Variants in ADAMTS10 observed in about 807,000 individuals in gnomAD.
The protein encoded by ADAMTS10 is A disintegrin and metalloproteinase with thrombospondin motifs 10.
ADAMTS10 carries 48 observed loss-of-function variants against 135.9 expected under a neutral mutation model. The observed-to-expected ratio is 0.35, with a 90% CI of 0.28 to 0.45. The LOEUF is 0.45. Among genes scored for constraint, ADAMTS10 ranks in the 20% least tolerant of loss-of-function variants. The pLI is 1.00. For synonymous variants in ADAMTS10, 621 were observed against 647.5 expected (o/e 0.96, Z 0.62); for missense variants, 1,131 against 1,565.2 (o/e 0.72, Z 4.68).
At position 8,592,866 on chromosome 19, in the gene ADAMTS10, A is replaced by C; in HGVS notation, c.1484T>G (p.Val495Gly). Residue 495 changes from valine (V) to glycine (G), a missense_variant, in exon 13 of 26, where the codon GTC (valine) becomes GGC (glycine). Val to Gly is a moderately radical substitution (Grantham distance 109, BLOSUM62 -3). Around this residue, in one of 3 missense-constraint regions of ADAMTS10, gnomAD observed 745 missense variants for 1,056.3 expected, o/e 0.71. Transcript: ENST00000597188. Reference sequence around the variant, plus strand: ...GCTCAGACACCACAGCTCGCTGCAGACCTCCTGCGGGCCGAGGTGCCCGCT... The same window carrying C: ...GCTCAGACACCACAGCTCGCTGCAGCCCTCCTGCGGGCCGAGGTGCCCGCT... ...VKSRQCKYGE[V>G]CSELWCLSKS... is the part of the protein sequence containing the mutation. 1.2e-6 allele frequency: 2 copies of C among 1,610,908 alleles called. No homozygotes were observed. Among genetic ancestry groups the C allele is most frequent in the African/African-American group, 1.3e-5 (1 of 74,988 alleles).
Position 8,597,223 on chromosome 19 carries a change from G to A in ADAMTS10, c.894+11C>T, listed in dbSNP as rs1555740480. On this transcript the variant is annotated intron_variant, in intron 7 of 25. Coordinates refer to ENST00000597188, the MANE Select transcript of ADAMTS10 (RefSeq NM_030957.4). ...TGAAGGGGAAGGGGAAGGGGAGGAA[G>A]TCCCCCGCACCTGGTCCTCCGTGAG... is the stretch of plus-strand genomic sequence containing the variant. 1.2e-6 allele frequency: 2 copies of A among 1,614,110 alleles called. No homozygotes were observed. Among genetic ancestry groups the A allele is most frequent in the Non-Finnish European group, 1.7e-6 (2 of 1,179,994 alleles).
intron 1 of ADAMTS10, among the ~76,000 whole-genome samples, chr19:8,609,541 C>A (rs1191044419): frequency 6.6e-6 from 1 of 152,104 alleles, no homozygotes; most frequent in Non-Finnish European, 1.5e-5. Context: ...AGCCTGCCGG[C>A]CTCCTCCCGG....
chr19:8,585,733 G>T, intron 22 of ADAMTS10, 73 bp from the exon 23 acceptor site: 1 of 1,438,010 alleles, frequency 7.0e-7, no homozygotes, highest in Non-Finnish European at 9.6e-7. Flanking sequence ...GGGCACTATA[G>T]CCTACCCCCA....
At chr19:8,585,768 T>C (rs2042419860) in intron 22 of ADAMTS10, 108 bp from the exon 23 acceptor site, 20 of 1,178,812 alleles carry the variant, frequency 1.7e-5, no homozygotes, top group Non-Finnish European at 2.4e-5. Flanking sequence ...CAGCCTCATA[T>C]GGAAACTGGC....
chr19:8,585,387 G>C, intron 23 of ADAMTS10, 69 bp downstream of exon 23: 1 of 1,535,150 alleles, frequency 6.5e-7, no homozygotes, highest in Non-Finnish European at 8.7e-7. Context: ...CCTGGAGACC[G>C]CGCAGAGGCG....
chr19:8,586,505 G>T (rs782015506), intron 20 of ADAMTS10, 35 bp from the exon 21 acceptor site: 10 of 1,613,074 alleles, frequency 6.2e-6, no homozygotes, highest in Non-Finnish European at 8.5e-6. Flanking sequence ...TGGAAGGATC[G>T]CATGGAGTCT....
chr19:8,592,112 G>A lies in ADAMTS10; in HGVS notation c.1588-9C>T. 1 of 1,613,634 alleles carries A rather than the reference G, an allele frequency of 6.2e-7. No individual in the cohort carries two copies. The highest frequency in any genetic ancestry group is 1.1e-5 in the South Asian group (1 of 91,074). On this transcript the variant is annotated splice_polypyrimidine_tract_variant and intron_variant, in intron 13 of 25. Transcript: ENST00000597188. ...ACCCGTTTGTAGCACCACTGGGTGG[G>A]GGGAGACAGGAAGGAGTGAGTCCAG...
chr19:8,596,279 C>A lies in ADAMTS10; in HGVS notation c.1190+28G>T. 1 of 1,612,922 alleles carries A rather than the reference C, an allele frequency of 6.2e-7. No individual in the cohort carries two copies. The highest frequency in any genetic ancestry group is 8.5e-7 in the Non-Finnish European group (1 of 1,180,008). ...AGGGACCCGCCCAGCTCCTCCCCTC[C>A]TCCCCCTCTTGTGTGCCCTGGCCTC... On this transcript the variant is annotated intron_variant, in intron 10 of 25. Transcript: ENST00000597188. The surrounding 1 kb of genome is among the most constrained non-coding windows in gnomAD (Gnocchi z 7.2).
intron 6 of ADAMTS10, among the ~76,000 whole-genome samples, chr19:8,600,616 G>A (rs550766813): frequency 2.1e-4 from 32 of 150,148 alleles, no homozygotes; most frequent in East Asian, 3.9e-4. Flanking sequence ...CTCCTGCCTC[G>A]GCCTCCCGAG....
rs369050914 is a variant in ADAMTS10 at position 8,581,130 on chromosome 19, C to CTTTTTT, written c.3203-134_3203-129dup. ...CTTGGTTTCTTTCTTTTTAAATTTA[C>CTTTTTT]TTTTTTTTTTTTTTTTTTTTTTTTT... On this transcript the variant is annotated intron_variant, in intron 25 of 25. Coordinates refer to ENST00000597188, the MANE Select transcript of ADAMTS10 (RefSeq NM_030957.4). The CTTTTTT allele has an allele frequency of 9.6e-4, 141 of 147,290 alleles. 5 individuals are homozygous for CTTTTTT. Among genetic ancestry groups the CTTTTTT allele is most frequent in the African/African-American group, 4.7e-3 (87 of 18,376 alleles). The allele number at this position is 147,290 out of a possible 1,614,324, so 9.1% of individuals were successfully genotyped here.
rs1405857894 is a variant in ADAMTS10 at position 8,580,259 on chromosome 19, G to A, written c.*634C>T. On this transcript the variant is annotated 3_prime_UTR_variant, in exon 26 of 26. Coordinates refer to ENST00000597188, the MANE Select transcript of ADAMTS10 (RefSeq NM_030957.4). ...CCGCAATTCGTAGAAATCTACACAA[G>A]ACAGAACTTTATTGATGTAGGGCTT... 7 of 154,406 alleles carry A rather than the reference G, an allele frequency of 4.5e-5. No homozygotes were observed. Among genetic ancestry groups the A allele is most frequent in the African/African-American group, 1.7e-4 (7 of 41,458 alleles). 9.6% of individuals were successfully genotyped at this position (154,406 alleles called of 1,614,324 possible).
intron 21 of ADAMTS10, 44 bp downstream of exon 21, chr19:8,586,300 C>G: frequency 3.1e-6 from 5 of 1,613,416 alleles, no homozygotes; most frequent in Non-Finnish European, 3.4e-6. Flanking sequence ...GCCCAGAGAA[C>G]CTCAGCCCAG....
Position 8,591,975 on chromosome 19 carries a change from A to G in ADAMTS10, c.1716T>C (p.Arg572=). The G allele has an allele frequency of 1.2e-6, 2 of 1,613,432 alleles. No homozygotes were observed. The highest frequency in any genetic ancestry group is 1.7e-6 in the Non-Finnish European group (2 of 1,179,756). The change falls in exon 14 of 26, where the codon CGT becomes CGC. Residue 572 remains arginine, a synonymous_variant. Transcript: ENST00000597188. ...TCGGGVSSSS[R]HCDSPRPTIG... is the part of the protein sequence containing the mutation. ...GGGCTGACCTGGGGCTGTCGCAGTGACGGCTAGAAGAGGACACGCCGCCGC... is the reference window on the plus strand; with the variant it reads ...GGGCTGACCTGGGGCTGTCGCAGTGGCGGCTAGAAGAGGACACGCCGCCGC...
At chr19:8,608,702 T>C (rs1555742983) in intron 1 of ADAMTS10, among the ~76,000 whole-genome samples, 1 of 151,928 alleles carries the variant, frequency 6.6e-6, no homozygotes, top group African/African-American at 2.4e-5. Flanking sequence ...TAGAGTGTCT[T>C]TGGGTCTGTC....
Position 8,605,130 on chromosome 19 carries a change from T to C in ADAMTS10, c.317A>G (p.Tyr106Cys). 1 of 1,613,680 alleles carries C rather than the reference T, an allele frequency of 6.2e-7. No homozygotes were observed. The highest frequency in any genetic ancestry group is 8.5e-7 in the Non-Finnish European group (1 of 1,179,876). Reference sequence around the variant, plus strand: ...CCAGGCCAGGCCCTCCCGTGTCCAGTACTCCACGGAGACGTGCCCTGCCAG... The same window carrying C: ...CCAGGCCAGGCCCTCCCGTGTCCAGCACTCCACGGAGACGTGCCCTGCCAG... ...RLLAGHVSVE[Y>C]WTREGLAWQR... Residue 106 changes from tyrosine (Y) to cysteine (C), a missense_variant, in exon 4 of 26, where the codon TAC becomes TGC. By Grantham distance (194) the Tyr-to-Cys change is radical. Coordinates refer to ENST00000597188, the MANE Select transcript of ADAMTS10 (RefSeq NM_030957.4). This position sits in a 1 kb window ranked among gnomAD's most constrained non-coding sequence, Gnocchi z 7.7.
chr19:8,581,093 G>T, intron 25 of ADAMTS10, 91 bp from the exon 26 acceptor site: 2 of 557,002 alleles, frequency 3.6e-6, no homozygotes, highest in South Asian at 2.3e-5. Context: ...CCTGGCCAGT[G>T]ACTTTCTGTG....
Position 8,597,227 on chromosome 19 carries a change from C to G in ADAMTS10, c.894+7G>C. On this transcript the variant is annotated splice_region_variant and intron_variant, in intron 7 of 25. Transcript: ENST00000597188. ...GGGGAAGGGGAAGGGGAGGAAGTCC[C>G]CCGCACCTGGTCCTCCGTGAGCAGG... 6.2e-7 allele frequency: 1 copy of G among 1,614,086 alleles called. No individual in the cohort carries two copies. Among genetic ancestry groups the G allele is most frequent in the Non-Finnish European group, 8.5e-7 (1 of 1,180,026 alleles).
chr19:8,596,422 C>G lies in ADAMTS10; in HGVS notation c.1085-10G>C. On this transcript the variant is annotated splice_polypyrimidine_tract_variant and intron_variant, in intron 9 of 25. Coordinates refer to ENST00000597188, the MANE Select transcript of ADAMTS10 (RefSeq NM_030957.4). The surrounding 1 kb of genome is among the most constrained non-coding windows in gnomAD (Gnocchi z 7.2). ...CCCACCGGGGCCAGGCCTGGGAAGA[C>G]GGACATGTGGGGATGGGGCTGGGAG... The G allele has an allele frequency of 1.2e-6, 2 of 1,613,694 alleles. No homozygotes were observed. The highest frequency in any genetic ancestry group is 1.7e-6 in the Non-Finnish European group (2 of 1,179,856).
At chr19:8,600,668 T>G (rs1388898965) in intron 6 of ADAMTS10, among the ~76,000 whole-genome samples, 1 of 151,878 alleles carries the variant, frequency 6.6e-6, no homozygotes, top group Non-Finnish European at 1.5e-5. Context: ...TCGGCTAATT[T>G]TTTGTATTTT....
Sources: allele counts gnomAD v4.1 joint callset (sites outside exome capture counted in the v4.1 genomes callset), GRCh38; gene constraint gnomAD v4.1.1; regional missense constraint gnomAD v4.1.1; non-coding constraint Gnocchi (gnomAD v3.1); transcripts MANE v1.5; gene names NCBI Gene and HGNC (gene_info 2026-07-23, HGNC 2026-07-21).